The following XRN1 variants were observed in gnomAD, a reference collection of about 807,000 sequenced individuals.
XRN1 encodes strand-exchange protein 1 homolog.
Under a neutral mutation model 222.3 loss-of-function variants are expected in XRN1, and 67 were observed. The ratio of observed to expected loss-of-function variants is 0.30; its 90% CI spans 0.25 to 0.37. The LOEUF (loss-of-function observed/expected upper bound fraction) is 0.37. Ranked by LOEUF, XRN1 falls within the 10% of genes least tolerant of loss-of-function variation. XRN1 has a pLI of 1.00. For missense variants in XRN1, 1,707 were observed against 2,000.2 expected (o/e 0.85, Z 2.80); for synonymous variants, 643 against 652.4 (o/e 0.99, Z 0.22).
At chr3:142,355,251 T>C (rs1410853583) in intron 32 of XRN1, 150 bp downstream of exon 32, 3 of 420,214 alleles carry the variant, frequency 7.1e-6, no homozygotes, top group South Asian at 6.0e-5. Flanking sequence ...GTTGAAATTA[T>C]TTAAAAAAAG....
intron 5 of XRN1, among the ~76,000 whole-genome samples, chr3:142,424,587 G>C (rs549913359): frequency 6.6e-6 from 1 of 152,200 alleles, no homozygotes; most frequent in South Asian, 2.1e-4. Flanking sequence ...GTTAATTTCT[G>C]TTTTAGGTGG....
intron 32 of XRN1, among the ~76,000 whole-genome samples, chr3:142,347,640 AG>A (rs1441387833): frequency 6.6e-6 from 1 of 152,016 alleles, no homozygotes; most frequent in Non-Finnish European, 1.5e-5. Flanking sequence ...TCTGTTACCA[AG>A]GCTGGAAGTG....
Position 142,308,682 on chromosome 3 carries a change from T to G in XRN1, c.*2829A>C, listed in dbSNP as rs2065018566. 1 of 152,174 alleles carries G rather than the reference T, an allele frequency of 6.6e-6. No homozygotes were observed. The highest frequency in any genetic ancestry group is 1.5e-5 in the Non-Finnish European group (1 of 68,030). The allele number at this position is 152,174 out of a possible 1,614,324, so 9.4% of individuals were successfully genotyped here. A position where few individuals can be genotyped will look rare whatever the true frequency, so the allele number is the denominator to read the frequency against. ...GACTGGAAGGAGCAATCTTCAAAAT[T>G]CACTTAAGTTGCTCAAAAAAGAAAA... On this transcript the variant is annotated 3_prime_UTR_variant, in exon 41 of 41. Transcript: ENST00000392981.
In XRN1 at chr3:142,426,414, C is replaced by T. The variant is rs1395081223; in HGVS notation, c.406+330G>A. The T allele has an allele frequency of 1.6e-5, 3 of 192,444 alleles. No homozygotes were observed. The East Asian group carries it at 4.0e-4, about 26-fold the overall frequency. 11.9% of individuals were successfully genotyped at this position (192,444 alleles called of 1,614,324 possible). ...ATCAACTTGATAAGCTACAACCTCA[C>T]TGAGTCTGTTTTAACATAAATAAAT... On this transcript the variant is annotated intron_variant, in intron 3 of 40. Transcript: ENST00000392981.
intron 23 of XRN1, among the ~76,000 whole-genome samples, chr3:142,378,579 TAGAAC>T (rs1412926411): frequency 2.0e-4 from 30 of 151,982 alleles, no homozygotes; most frequent in Admixed American, 1.8e-3. Flanking sequence ...TTTCCCAAAG[TAGAAC>T]AGAAGTATAA....
At position 142,439,460 on chromosome 3, in the gene XRN1, A is replaced by G. The variant is rs1020687262; in HGVS notation, c.76-6567T>C. 3.9e-5 allele frequency among the ~76,000 whole-genome samples: 6 copies of G among 152,246 alleles called. No individual in the cohort carries two copies. In the East Asian group the frequency reaches 7.7e-4, roughly 20 times the overall value. On this transcript the variant is annotated intron_variant, in intron 1 of 40. Coordinates refer to ENST00000392981, the MANE Select transcript of XRN1 (RefSeq NM_001282857.2). ...ACTAAGGAAAACTAGGAAGAAGCCT[A>G]TGAATTATTCAATGATGTCCACTGT...
chr3:142,440,062 C>A (rs539114804), intron 1 of XRN1, among the ~76,000 whole-genome samples: 1 of 152,130 alleles, frequency 6.6e-6, no homozygotes, highest in Non-Finnish European at 1.5e-5. Flanking sequence ...CCGGGGAAAG[C>A]GCCAGCCCAT....
intron 32 of XRN1, among the ~76,000 whole-genome samples, chr3:142,349,986 A>G (rs1307227821): frequency 6.6e-6 from 1 of 152,190 alleles, no homozygotes; most frequent in Non-Finnish European, 1.5e-5. Flanking sequence ...TCTAAGTGGA[A>G]GGAACAAAAA....
At chr3:142,376,316 C>T in intron 24 of XRN1, 163 bp downstream of exon 24, 1 of 710,968 alleles carries the variant, frequency 1.4e-6, no homozygotes, top group Non-Finnish European at 2.3e-6. Flanking sequence ...CCACCTAAAA[C>T]ATGTGCCATT....
intron 10 of XRN1, among the ~76,000 whole-genome samples, chr3:142,419,808 CAAAA>C (rs749309289): frequency 8.9e-6 from 1 of 111,970 alleles, no homozygotes; most frequent in Non-Finnish European, 1.9e-5. Flanking sequence ...ATGCTGTCTC[CAAAA>C]AAAAAAAAAA....
At position 142,428,309 on chromosome 3, in the gene XRN1, C is replaced by T. The variant is rs367670271; in HGVS notation, c.309-1468G>A. ...ACTTGGGAGGCTGAGACAGGAGATT[C>T]GCTTGAACCCAGGGGGCAGAGGCCA... is the stretch of plus-strand genomic sequence containing the variant. On this transcript the variant is annotated intron_variant, in intron 2 of 40. Transcript: ENST00000392981. 2.0e-5 allele frequency among the ~76,000 whole-genome samples: 3 copies of T among 148,576 alleles called. No homozygotes were observed. In the East Asian group the frequency reaches 6.0e-4, roughly 30 times the overall value.
intron 32 of XRN1, 33 bp from the exon 33 acceptor site, chr3:142,347,375 A>C: frequency 7.5e-7 from 1 of 1,333,144 alleles, no homozygotes. Flanking sequence ...ATTAAACAAA[A>C]TCTTAATATT....
chr3:142,314,179 G>T (rs2065147176), intron 39 of XRN1, among the ~76,000 whole-genome samples: 1 of 152,050 alleles, frequency 6.6e-6, no homozygotes, highest in Non-Finnish European at 1.5e-5. Flanking sequence ...TTAATCTAAT[G>T]CTTAAGTTGT....
chr3:142,429,914 TAAGC>T (rs2108146066), intron 2 of XRN1: 1 of 152,368 alleles, frequency 6.6e-6, no homozygotes, highest in East Asian at 1.9e-4. Flanking sequence ...GAGGTGCTGA[TAAGC>T]AAGGAACAGG....
In XRN1 at chr3:142,447,396, C is replaced by G. The variant is rs2070558807; in HGVS notation, c.75+474G>C. 6.6e-6 allele frequency among the ~76,000 whole-genome samples: 1 copy of G among 152,102 alleles called. No homozygotes were observed. The highest frequency in any genetic ancestry group is 1.5e-5 in the Non-Finnish European group (1 of 68,020). Reference sequence around the variant, plus strand: ...TCTAGGCTCCGGGGGCCGGGTGGGCCGCGCTCTAGATCAGGGAAAGTAAAC... The same window carrying G: ...TCTAGGCTCCGGGGGCCGGGTGGGCGGCGCTCTAGATCAGGGAAAGTAAAC... On this transcript the variant is annotated intron_variant, in intron 1 of 40. Transcript: ENST00000392981. This position sits in a 1 kb window ranked among gnomAD's most constrained non-coding sequence, Gnocchi z 4.2.
At chr3:142,401,287 G>A (rs1376509238) in intron 18 of XRN1, among the ~76,000 whole-genome samples, 1 of 152,142 alleles carries the variant, frequency 6.6e-6, no homozygotes, top group African/African-American at 2.4e-5. Flanking sequence ...TTTCTTTTAT[G>A]AGGAAAAGGA....
At chr3:142,405,393 A>G (rs2068303069) in intron 15 of XRN1, among the ~76,000 whole-genome samples, 2 of 152,250 alleles carry the variant, frequency 1.3e-5, no homozygotes, top group South Asian at 4.1e-4. Flanking sequence ...ATACTATATC[A>G]TAATTCACAG....
At chr3:142,340,496 G>C (rs2065964099) in intron 33 of XRN1, among the ~76,000 whole-genome samples, 1 of 151,706 alleles carries the variant, frequency 6.6e-6, no homozygotes, top group Non-Finnish European at 1.5e-5. Context: ...AAGAGGGGTA[G>C]AAAGTTTATT....
At chr3:142,426,656 A>G in intron 3 of XRN1, 88 bp downstream of exon 3, 1 of 1,297,156 alleles carries the variant, frequency 7.7e-7, no homozygotes, top group Non-Finnish European at 1.1e-6. Flanking sequence ...GCCAAAATAA[A>G]TAGAGCATAG....
Sources: gnomAD v4.1 joint callset for allele counts (sites outside exome capture counted in the v4.1 genomes callset) on GRCh38, gnomAD v4.1.1 for gene constraint, Gnocchi (gnomAD v3.1) non-coding constraint, MANE v1.5 for transcripts, NCBI Gene and HGNC (gene_info 2026-07-23, HGNC 2026-07-21) for gene names.